PRKN: variants seen among roughly 807,000 people sequenced by gnomAD.
PRKN encodes E3 ubiquitin-protein ligase parkin.
Under a neutral mutation model 59.5 loss-of-function variants are expected in PRKN, and 56 were observed. The observed-to-expected ratio is 0.94, with a 90% CI of 0.76 to 1.18. The LOEUF (loss-of-function observed/expected upper bound fraction) is 1.18. Among genes scored for constraint, PRKN ranks in the 50% most tolerant of loss-of-function variants. The pLI, the probability that PRKN is intolerant of heterozygous loss-of-function variation, is 0.00. For missense variants in PRKN, 657 were observed against 596.4 expected, an observed-to-expected ratio of 1.10 and a Z score of -1.06; for synonymous variants, 250 against 222.1, an observed-to-expected ratio of 1.13 and a Z score of -1.12.
chr6:161,590,960 G>T (rs1470462528), intron 7 of PRKN, among the ~76,000 whole-genome samples: 2 of 152,078 alleles, frequency 1.3e-5, no homozygotes, highest in African/African-American at 4.8e-5. Flanking sequence ...TATGTACTGA[G>T]GATAAATTTT....
rs1259469944 is a variant in PRKN at position 161,416,365 on chromosome 6, G to T, written c.1084-29488C>A. 3.9e-5 allele frequency among the ~76,000 whole-genome samples: 6 copies of T among 152,056 alleles called. No homozygotes were observed. The East Asian group carries it at 9.6e-4, about 24-fold the overall frequency. On this transcript the variant is annotated intron_variant, in intron 9 of 11. Transcript: ENST00000366898. Reference sequence around the variant, plus strand: ...TTCCCCCGAGGAGAGCGCACACACTGGGGGGCAGGAACTTTGTTTCTTTTG... The same window carrying T: ...TTCCCCCGAGGAGAGCGCACACACTTGGGGGCAGGAACTTTGTTTCTTTTG...
At chr6:161,806,360 G>A (rs1583188356) in intron 6 of PRKN, among the ~76,000 whole-genome samples, 2 of 152,166 alleles carry the variant, frequency 1.3e-5, no homozygotes, top group South Asian at 2.1e-4. Context: ...CAGAGGCAGC[G>A]CATGATGTTT....
intron 6 of PRKN, among the ~76,000 whole-genome samples, chr6:161,823,690 G>A (rs942959122): frequency 6.6e-6 from 1 of 152,140 alleles, no homozygotes; most frequent in South Asian, 2.1e-4. Context: ...GGCAAGTCAG[G>A]TTTCATGACT....
At position 161,995,918 on chromosome 6, in the gene PRKN, G is replaced by A. The variant is rs546656458; in HGVS notation, c.619-22501C>T. Among the ~76,000 whole-genome samples the A allele has an allele frequency of 3.9e-5, 6 of 152,252 alleles. No individual in the cohort carries two copies. In the East Asian group the frequency reaches 1.2e-3, roughly 29 times the overall value. Reference sequence around the variant, plus strand: ...GCACTTTGGGAGGCTGAGGTGGGAAGACTGCTTGAGTCCAGGAGTTTGAGA... The same window carrying A: ...GCACTTTGGGAGGCTGAGGTGGGAAAACTGCTTGAGTCCAGGAGTTTGAGA... On this transcript the variant is annotated intron_variant, in intron 5 of 11. Coordinates refer to ENST00000366898, the MANE Select transcript of PRKN (RefSeq NM_004562.3).
chr6:162,206,266 T>G (rs564420527), intron 3 of PRKN, among the ~76,000 whole-genome samples: 27 of 152,154 alleles, frequency 1.8e-4, no homozygotes, highest in Admixed American at 4.6e-4. Flanking sequence ...GCACTTCTTG[T>G]ATGATTTCTG....
At chr6:161,675,040 T>C (rs565186277) in intron 7 of PRKN, among the ~76,000 whole-genome samples, 1 of 152,204 alleles carries the variant, frequency 6.6e-6, no homozygotes, top group Non-Finnish European at 1.5e-5. Context: ...AGTTGGAAAC[T>C]TACACAAGGG....
intron 6 of PRKN, among the ~76,000 whole-genome samples, chr6:161,825,201 G>A (rs1348067521): frequency 6.6e-6 from 1 of 152,042 alleles, no homozygotes; most frequent in Non-Finnish European, 1.5e-5. Flanking sequence ...AGGAAAAAGA[G>A]TATTAAAGGG....
intron 7 of PRKN, among the ~76,000 whole-genome samples, chr6:161,627,613 A>G (rs1783139342): frequency 6.6e-6 from 1 of 152,236 alleles, no homozygotes; most frequent in Non-Finnish European, 1.5e-5. Context: ...AACCCACACC[A>G]AAAGACGTGC....
intron 1 of PRKN, among the ~76,000 whole-genome samples, chr6:162,632,727 G>A (rs1208712660): frequency 2.0e-5 from 3 of 151,852 alleles, no homozygotes; most frequent in Admixed American, 6.6e-5. Context: ...ACAGAAGTAG[G>A]TAGAAAAGAC....
chr6:161,740,273 T>C (rs1426770924), intron 7 of PRKN, among the ~76,000 whole-genome samples: 1 of 152,214 alleles, frequency 6.6e-6, no homozygotes, highest in Admixed American at 6.5e-5. Flanking sequence ...ATGGGAGCTA[T>C]GCATACGCAC....
intron 3 of PRKN, among the ~76,000 whole-genome samples, chr6:162,233,459 C>T (rs531561394): frequency 6.6e-6 from 1 of 152,062 alleles, no homozygotes; most frequent in Admixed American, 6.6e-5. Flanking sequence ...ATGCAAAAAC[C>T]TGGATTAAAA....
chr6:161,750,688 A>T (rs532016711), intron 7 of PRKN, among the ~76,000 whole-genome samples: 126 of 150,732 alleles, frequency 8.4e-4, no homozygotes, highest in African/African-American at 3.1e-3. Flanking sequence ...AATTGCTTGA[A>T]CCCAGGAGGC....
chr6:162,659,950 A>T (rs975305407), intron 1 of PRKN, among the ~76,000 whole-genome samples: 2 of 152,162 alleles, frequency 1.3e-5, no homozygotes, highest in African/African-American at 4.8e-5. Context: ...ATCATTATGA[A>T]ACATCAAGAA....
chr6:161,468,285 C>T lies in PRKN; in HGVS notation c.1083+80569G>A, dbSNP rs1463320952. 6.6e-6 allele frequency among the ~76,000 whole-genome samples: 1 copy of T among 151,768 alleles called. No homozygotes were observed. Among genetic ancestry groups the T allele is most frequent in the Admixed American group, 6.6e-5 (1 of 15,254 alleles). ...GCCATGCCCAGCCTCTTACCCTATA[C>T]TTTAAAACAAAAACAAAAAAAAAAC... On this transcript the variant is annotated intron_variant, in intron 9 of 11. Transcript: ENST00000366898. This position sits in a 1 kb window ranked among gnomAD's most constrained non-coding sequence, Gnocchi z 5.9.
chr6:162,454,050 C>T (rs1031105862), intron 1 of PRKN, among the ~76,000 whole-genome samples: 1 of 152,078 alleles, frequency 6.6e-6, no homozygotes, highest in African/African-American at 2.4e-5. Flanking sequence ...TACTTTGTAC[C>T]TCATCAAAAA....
intron 7 of PRKN, among the ~76,000 whole-genome samples, chr6:161,751,591 C>A (rs1562655270): frequency 6.6e-6 from 1 of 152,138 alleles, no homozygotes; most frequent in Non-Finnish European, 1.5e-5. Flanking sequence ...AGCATAAATA[C>A]TAAAGTCCAA....
At chr6:162,470,242 G>A (rs190414501) in intron 1 of PRKN, among the ~76,000 whole-genome samples, 1 of 152,244 alleles carries the variant, frequency 6.6e-6, no homozygotes, top group East Asian at 1.9e-4. Flanking sequence ...ATAATGAAAA[G>A]GGAACTAAAA....
chr6:162,174,992 G>A (rs925817352), intron 4 of PRKN, among the ~76,000 whole-genome samples: 10 of 152,196 alleles, frequency 6.6e-5, no homozygotes, highest in Non-Finnish European at 1.5e-4. Flanking sequence ...CTACCGAGGT[G>A]TCTTTCCCCA....
At chr6:162,637,190 G>A (rs1260346033) in intron 1 of PRKN, among the ~76,000 whole-genome samples, 2 of 152,028 alleles carry the variant, frequency 1.3e-5, no homozygotes, top group African/African-American at 4.8e-5. Flanking sequence ...CCGGGAGGCA[G>A]AGGTTGCAGT....
Sources: gnomAD v4.1 joint callset for allele counts (sites outside exome capture counted in the v4.1 genomes callset) on GRCh38, gnomAD v4.1.1 for gene constraint, Gnocchi (gnomAD v3.1) non-coding constraint, MANE v1.5 for transcripts, NCBI Gene and HGNC (gene_info 2026-07-23, HGNC 2026-07-21) for gene names.